ARHGAP15: variants seen among roughly 807,000 people sequenced by gnomAD.
The protein encoded by ARHGAP15 is rho GTPase-activating protein 15.
Under a neutral mutation model 63.7 loss-of-function variants are expected in ARHGAP15, and 51 were observed. The ratio of observed to expected loss-of-function variants is 0.80; its 90% CI spans 0.64 to 1.01. The LOEUF (loss-of-function observed/expected upper bound fraction) is 1.01. Ranked by LOEUF, ARHGAP15 falls within the 50% of genes least tolerant of loss-of-function variation. ARHGAP15 has a pLI of 0.00. For synonymous variants in ARHGAP15, 191 were observed against 193.8 expected, an observed-to-expected ratio of 0.99 and a Z score of 0.12; for missense variants, 560 against 564.6, an observed-to-expected ratio of 0.99 and a Z score of 0.08.
chr2:143,491,104 CATTCAAGTTTGCCAAGGA>C (rs1396981172), intron 9 of ARHGAP15, among the ~76,000 whole-genome samples: 15 of 152,216 alleles, frequency 9.9e-5, no homozygotes, highest in African/African-American at 3.4e-4. Flanking sequence ...TCTCCAAGGG[CATTCAAGTTTGCCAAGGA>C]ATGGTGAGCC....
At chr2:143,132,153 A>G (rs1688938410) in intron 1 of ARHGAP15, among the ~76,000 whole-genome samples, 1 of 152,262 alleles carries the variant, frequency 6.6e-6, no homozygotes, top group African/African-American at 2.4e-5. Context: ...TATTTTTTAC[A>G]CTGTACAATA....
At chr2:143,587,152 A>G (rs1697139298) in intron 11 of ARHGAP15, among the ~76,000 whole-genome samples, 1 of 152,104 alleles carries the variant, frequency 6.6e-6, no homozygotes, top group African/African-American at 2.4e-5. Context: ...AGCCATTCCC[A>G]TGTCCTGATA....
At chr2:143,463,349 C>T (rs1377625075) in intron 8 of ARHGAP15, among the ~76,000 whole-genome samples, 2 of 152,118 alleles carry the variant, frequency 1.3e-5, no homozygotes, top group Non-Finnish European at 2.9e-5. Flanking sequence ...TGGGACTAGC[C>T]TGGCCAACAT....
intron 6 of ARHGAP15, among the ~76,000 whole-genome samples, chr2:143,373,832 A>G (rs1359792287): frequency 6.6e-6 from 1 of 152,062 alleles, no homozygotes; most frequent in Non-Finnish European, 1.5e-5. Context: ...AATATGACTT[A>G]ACATACTTAG....
chr2:143,223,868 C>A (rs1693097888), intron 4 of ARHGAP15, among the ~76,000 whole-genome samples: 1 of 152,164 alleles, frequency 6.6e-6, no homozygotes, highest in South Asian at 2.1e-4. Flanking sequence ...TAGGATGCAA[C>A]CTTACTGGGC....
chr2:143,325,173 AC>A (rs1684196583), intron 6 of ARHGAP15, among the ~76,000 whole-genome samples: 1 of 152,172 alleles, frequency 6.6e-6, no homozygotes, highest in Non-Finnish European at 1.5e-5. Context: ...CTTAAAAGTT[AC>A]TGTATTTCCC....
intron 3 of ARHGAP15, among the ~76,000 whole-genome samples, chr2:143,205,226 G>T (rs1470124469): frequency 6.7e-6 from 1 of 150,030 alleles, no homozygotes; most frequent in Non-Finnish European, 1.5e-5. Context: ...GGTGGAGGTT[G>T]CAGTGAGCCA....
intron 3 of ARHGAP15, among the ~76,000 whole-genome samples, chr2:143,203,993 T>G (rs1470889448): frequency 6.6e-6 from 1 of 152,066 alleles, no homozygotes; most frequent in African/African-American, 2.4e-5. Context: ...ATTTCACAAG[T>G]CTTCTCCATT....
chr2:143,389,119 ATTAT>A (rs1687429213), intron 6 of ARHGAP15, among the ~76,000 whole-genome samples: 1 of 148,420 alleles, frequency 6.7e-6, no homozygotes, highest in Non-Finnish European at 1.5e-5. Flanking sequence ...TATTATTATT[ATTAT>A]TATTATTATT....
chr2:143,252,962 T>C (rs1680231079), intron 6 of ARHGAP15, among the ~76,000 whole-genome samples: 1 of 152,056 alleles, frequency 6.6e-6, no homozygotes, highest in Non-Finnish European at 1.5e-5. Context: ...GGAGTGTATG[T>C]GTGCAATGGT....
intron 13 of ARHGAP15, among the ~76,000 whole-genome samples, chr2:143,709,053 AC>A (rs1483316707): frequency 2.0e-5 from 3 of 152,144 alleles, no homozygotes; most frequent in Non-Finnish European, 4.4e-5. Context: ...AAGTACTAGA[AC>A]TTTTGTTGTC....
At chr2:143,382,064 C>T (rs180773297) in intron 6 of ARHGAP15, among the ~76,000 whole-genome samples, 1 of 146,064 alleles carries the variant, frequency 6.8e-6, no homozygotes, top group East Asian at 2.0e-4. Context: ...TTGCTTCTTT[C>T]CTTCCTTCCT....
chr2:143,358,145 A>G (rs1330721932), intron 6 of ARHGAP15, among the ~76,000 whole-genome samples: 1 of 152,204 alleles, frequency 6.6e-6, no homozygotes, highest in Non-Finnish European at 1.5e-5. Context: ...AGGTTGGCCC[A>G]TGCTCTGCTG....
At chr2:143,615,614 A>G (rs1698423837) in intron 11 of ARHGAP15, among the ~76,000 whole-genome samples, 1 of 152,304 alleles carries the variant, frequency 6.6e-6, no homozygotes, top group African/African-American at 2.4e-5. Context: ...TTATCTGTAT[A>G]TGGGAATTTA....
chr2:143,346,232 T>TCACACACA (rs1221198422), intron 6 of ARHGAP15, among the ~76,000 whole-genome samples: 9 of 47,638 alleles, frequency 1.9e-4, no homozygotes, highest in African/African-American at 9.1e-4. Flanking sequence ...ACACACACTC[T>TCACACACA]CTCTCACACA....
At chr2:143,403,402 A>T (rs931627580) in intron 6 of ARHGAP15, among the ~76,000 whole-genome samples, 1 of 151,820 alleles carries the variant, frequency 6.6e-6, no homozygotes, top group Admixed American at 6.6e-5. Context: ...TATTTCTTCT[A>T]ATTTTCAAAC....
At chr2:143,614,709 TAGAGG>T (rs1287962863) in intron 11 of ARHGAP15, among the ~76,000 whole-genome samples, 1 of 152,150 alleles carries the variant, frequency 6.6e-6, no homozygotes, top group African/African-American at 2.4e-5. Context: ...GAGACAGAGA[TAGAGG>T]AGAGACCCTT....
chr2:143,629,122 TATCAC>T (rs1232235151), intron 12 of ARHGAP15, among the ~76,000 whole-genome samples: 1 of 152,036 alleles, frequency 6.6e-6, no homozygotes, highest in Non-Finnish European at 1.5e-5. Context: ...GTTTGAAAGT[TATCAC>T]ATAGTCCAAG....
chr2:143,291,286 G>A (rs958636753), intron 6 of ARHGAP15, among the ~76,000 whole-genome samples: 1 of 152,070 alleles, frequency 6.6e-6, no homozygotes, highest in Non-Finnish European at 1.5e-5. Context: ...GGTACTTGGG[G>A]ATGACAATGA....
Sources: gnomAD v4.1 joint callset for allele counts (sites outside exome capture counted in the v4.1 genomes callset) on GRCh38, gnomAD v4.1.1 for gene constraint, MANE v1.5 for transcripts, NCBI Gene and HGNC (gene_info 2026-07-23, HGNC 2026-07-21) for gene names.